Variants in C12orf42 observed in about 807,000 individuals in gnomAD.
The protein encoded by C12orf42 is uncharacterized protein C12orf42.
C12orf42 carries 25 observed loss-of-function variants against 21.6 expected under a neutral mutation model. The ratio of observed to expected loss-of-function variants is 1.16; its 90% CI spans 0.84 to 1.62. The LOEUF (loss-of-function observed/expected upper bound fraction) is 1.62, where lower values mean the gene tolerates loss of function less well. Ranked by LOEUF, C12orf42 falls within the 40% of genes most tolerant of loss-of-function variation. The probability of loss-of-function intolerance (pLI) is 0.00; values close to 1 mark genes in which losing one functional copy is unlikely to be tolerated. For synonymous variants in C12orf42, 174 were observed against 175.0 expected, an observed-to-expected ratio of 0.99 and a Z score of 0.05; for missense variants, 483 against 459.3, an observed-to-expected ratio of 1.05 and a Z score of -0.47.
chr12:103,154,746 G>A, the C12orf42 span, among the ~76,000 whole-genome samples: 42 of 152,044 alleles, frequency 2.8e-4, no homozygotes, highest in African/African-American at 5.1e-4. Flanking sequence ...AGGAAATTCC[G>A]TTTTTTTCCA....
the C12orf42 span, among the ~76,000 whole-genome samples, chr12:103,217,197 T>G: frequency 2.7e-3 from 412 of 152,118 alleles, 6 homozygotes; most frequent in East Asian, 0.022. Context: ...CCAGAACACA[T>G]TGAAGTGCTG....
the C12orf42 span, among the ~76,000 whole-genome samples, chr12:103,192,481 TAACA>T: frequency 1.5e-5 from 2 of 132,424 alleles, no homozygotes; most frequent in South Asian, 4.8e-4. Flanking sequence ...TCCAGCCTGG[TAACA>T]GAGCGAGACT....
the C12orf42 span, among the ~76,000 whole-genome samples, chr12:103,218,574 T>C: frequency 6.6e-6 from 1 of 152,172 alleles, no homozygotes; most frequent in South Asian, 2.1e-4. Context: ...CTGTCTTAGG[T>C]AATTCTGGTA....
chr12:103,093,278 C>G, the C12orf42 span, among the ~76,000 whole-genome samples: 1 of 152,184 alleles, frequency 6.6e-6, no homozygotes, highest in Non-Finnish European at 1.5e-5. Context: ...GATTCAATCT[C>G]TGCAGCATTT....
chr12:103,217,256 A>G, the C12orf42 span, among the ~76,000 whole-genome samples: 22 of 152,174 alleles, frequency 1.4e-4, no homozygotes, highest in African/African-American at 5.1e-4. Context: ...GCAGCGGCTC[A>G]CACCTGTAAT....
chr12:103,086,141 A>T, the C12orf42 span, among the ~76,000 whole-genome samples: 1 of 152,136 alleles, frequency 6.6e-6, no homozygotes, highest in African/African-American at 2.4e-5. Flanking sequence ...TCATAATATA[A>T]TTGGAGCGTT....
At chr12:103,556,598 C>T in the C12orf42 span, among the ~76,000 whole-genome samples, 6 of 152,208 alleles carry the variant, frequency 3.9e-5, no homozygotes, top group South Asian at 6.2e-4. Flanking sequence ...TCATGCAAAT[C>T]GGTCTTCAAA....
At chr12:103,168,480 T>C in the C12orf42 span, among the ~76,000 whole-genome samples, 2 of 152,178 alleles carry the variant, frequency 1.3e-5, no homozygotes, top group Non-Finnish European at 2.9e-5. Flanking sequence ...ATTCTCACTA[T>C]GTTATACTTG....
the C12orf42 span, among the ~76,000 whole-genome samples, chr12:103,501,418 A>T: frequency 1.3e-5 from 2 of 152,208 alleles, no homozygotes; most frequent in Non-Finnish European, 2.9e-5. Context: ...TCCACTGCTG[A>T]AGGGGGCTAA....
the C12orf42 span, among the ~76,000 whole-genome samples, chr12:103,203,160 C>G: frequency 3.3e-5 from 5 of 152,144 alleles, no homozygotes; most frequent in African/African-American, 7.2e-5. Flanking sequence ...CCCCATTTGT[C>G]AAGATGTGGT....
the C12orf42 span, among the ~76,000 whole-genome samples, chr12:103,217,745 A>C: frequency 2.6e-5 from 4 of 152,196 alleles, no homozygotes; most frequent in Non-Finnish European, 5.9e-5. Flanking sequence ...CAAAGAAAGA[A>C]CTGCTATTCC....
At chr12:103,434,716 G>A (rs540513941) in intron 2 of C12orf42, among the ~76,000 whole-genome samples, 4 of 152,328 alleles carry the variant, frequency 2.6e-5, no homozygotes, top group East Asian at 1.9e-4. Flanking sequence ...ACCGCACCAC[G>A]AGATTATATG....
At chr12:103,141,561 C>A in the C12orf42 span, among the ~76,000 whole-genome samples, 1 of 134,884 alleles carries the variant, frequency 7.4e-6, no homozygotes, top group Non-Finnish European at 1.5e-5. Context: ...CAGAGTTTTG[C>A]TCTTGTAGCC....
intron 10 of C12orf42, among the ~76,000 whole-genome samples, chr12:103,260,901 G>A (rs1297834356): frequency 1.3e-5 from 2 of 152,050 alleles, no homozygotes; most frequent in African/African-American, 4.8e-5. Flanking sequence ...TTTCTTAGTT[G>A]TCCCCTGAGT....
At chr12:103,105,944 G>A in the C12orf42 span, among the ~76,000 whole-genome samples, 1 of 152,096 alleles carries the variant, frequency 6.6e-6, no homozygotes. Flanking sequence ...ATTAGAGAAT[G>A]GGTGAGAGGA....
the C12orf42 span, among the ~76,000 whole-genome samples, chr12:103,501,399 T>C: frequency 0.85 from 129,535 of 152,212 alleles, 55,272 homozygotes; most frequent in African/African-American, 0.91. Context: ...TGAGAGAGGA[T>C]GAACAGCCTC....
At chr12:103,542,948 C>T in the C12orf42 span, among the ~76,000 whole-genome samples, 1,016 of 152,304 alleles carry the variant, frequency 6.7e-3, 9 homozygotes, top group South Asian at 0.014. Context: ...CGACCAGAAC[C>T]TTGCATCAGG....
At chr12:103,303,507 G>GT (rs2037959474) in intron 5 of C12orf42, among the ~76,000 whole-genome samples, 1 of 152,044 alleles carries the variant, frequency 6.6e-6, no homozygotes, top group African/African-American at 2.4e-5. Flanking sequence ...GCTTTCAAAG[G>GT]TTTTTAATAG....
chr12:103,428,845 T>C (rs569061897), intron 2 of C12orf42, among the ~76,000 whole-genome samples: 1 of 152,212 alleles, frequency 6.6e-6, no homozygotes, highest in Admixed American at 6.5e-5. Flanking sequence ...ATCCATCACA[T>C]AAACAAAACC....
Sources: allele counts gnomAD v4.1 joint callset (sites outside exome capture counted in the v4.1 genomes callset), GRCh38; gene constraint gnomAD v4.1.1; transcripts MANE v1.5; gene names NCBI Gene and HGNC (gene_info 2026-07-23, HGNC 2026-07-21).